MYOCD: variants seen among roughly 807,000 people sequenced by gnomAD.
MYOCD encodes the protein myocardin.
MYOCD carries 32 observed loss-of-function variants against 96.1 expected under a neutral mutation model. That is an observed-to-expected ratio of 0.33 (90% CI 0.25 to 0.45). The LOEUF is 0.45. Ranked by LOEUF, MYOCD falls within the 20% of genes least tolerant of loss-of-function variation. The pLI, the probability that MYOCD is intolerant of heterozygous loss-of-function variation, is 1.00. For synonymous variants in MYOCD, 469 were observed against 469.0 expected, an observed-to-expected ratio of 1.00 and a Z score of 0.00; for missense variants, 1,133 against 1,200.6, an observed-to-expected ratio of 0.94 and a Z score of 0.83.
intron 1 of MYOCD, among the ~76,000 whole-genome samples, chr17:12,699,500 C>T (rs922767243): frequency 3.9e-5 from 6 of 152,136 alleles, no homozygotes; most frequent in African/African-American, 7.2e-5. Flanking sequence ...AGATGATGCC[C>T]GAAATCAGTG....
At chr17:12,671,107 T>C (rs1163129648) in intron 1 of MYOCD, among the ~76,000 whole-genome samples, 1 of 152,246 alleles carries the variant, frequency 6.6e-6, no homozygotes, top group Non-Finnish European at 1.5e-5. Flanking sequence ...TATTTGTCCA[T>C]AACGGCAGAA....
intron 1 of MYOCD, among the ~76,000 whole-genome samples, chr17:12,695,766 C>T (rs1051919042): frequency 2.0e-5 from 3 of 152,104 alleles, no homozygotes; most frequent in Admixed American, 6.6e-5. Flanking sequence ...AGTGGCATTA[C>T]GTACACTCAC....
intron 2 of MYOCD, among the ~76,000 whole-genome samples, chr17:12,713,640 T>G (rs980741410): frequency 6.6e-6 from 1 of 152,198 alleles, no homozygotes; most frequent in East Asian, 1.9e-4. Flanking sequence ...TGATACAGAT[T>G]GTGTAGATCC....
rs2033377747 is a variant in MYOCD, at chr17:12,767,682, T to G, written c.*4038T>G. On this transcript the variant is annotated 3_prime_UTR_variant, in exon 14 of 14. Transcript: ENST00000425538. ...GATCACTTTTTAGCTAAAAGCTATC[T>G]CTCACTTCAAAATTCTTGTCTTTTT... is the stretch of plus-strand genomic sequence containing the variant. 6.6e-6 allele frequency: 1 copy of G among 152,208 alleles called. No homozygotes were observed. Among genetic ancestry groups the G allele is most frequent in the African/African-American group, 2.4e-5 (1 of 41,460 alleles). The allele number at this position is 152,208 out of a possible 1,614,324, so 9.4% of individuals were successfully genotyped here.
Position 12,765,043 on chromosome 17 carries a change from A to G in MYOCD, c.*1399A>G, listed in dbSNP as rs2074522415. 6.6e-6 allele frequency: 1 copy of G among 152,242 alleles called. No individual in the cohort carries two copies. The highest frequency in any genetic ancestry group is 1.9e-4 in the East Asian group (1 of 5,192). The allele number at this position is 152,242 out of a possible 1,614,324, so 9.4% of individuals were successfully genotyped here. On this transcript the variant is annotated 3_prime_UTR_variant, in exon 14 of 14. Coordinates refer to ENST00000425538, the MANE Select transcript of MYOCD (RefSeq NM_001146312.3). ...AAAGACAAATATGGATGATATTTAC[A>G]AGAGAGAATTTCAGATCTGGGTTTT...
In MYOCD at chr17:12,697,359, ATTTTTTT is replaced by A. The variant is rs71144918; in HGVS notation, c.56-7754_56-7748del. Among the ~76,000 whole-genome samples, 14 of 75,712 alleles carry A rather than the reference ATTTTTTT, an allele frequency of 1.8e-4. No homozygotes were observed. The Admixed American group carries it at 2.1e-3, about 11-fold the overall frequency. 49.7% of individuals were successfully genotyped at this position (75,712 alleles called of 152,430 possible). A position where few individuals can be genotyped will look rare whatever the true frequency, so the allele number is the denominator to read the frequency against. On this transcript the variant is annotated intron_variant, in intron 1 of 13. Coordinates refer to ENST00000425538, the MANE Select transcript of MYOCD (RefSeq NM_001146312.3). ...AGTATATATATATATATATATATAT[ATTTTTTT>A]TTTTTTTTTTTTTTGAGACGGGGTC...
Position 12,763,388 on chromosome 17 carries a change from A to G in MYOCD, c.2705A>G (p.His902Arg), listed in dbSNP as rs749821182. ...GCTGCAGAAGACCTCTTCAATGCAC[A>G]TGAGATCTTGCCAGGCCCCCTCTCT... Reference protein sequence around the residue: ...GKAAEDLFNAHEILPGPLSPM... With the variant: ...GKAAEDLFNAREILPGPLSPM... Residue 902 changes from histidine (H) to arginine (R), a missense_variant, in exon 14 of 14, where the codon CAT (histidine) becomes CGT (arginine). Coordinates refer to ENST00000425538, the MANE Select transcript of MYOCD (RefSeq NM_001146312.3). 9.4e-6 allele frequency: 15 copies of G among 1,603,060 alleles called. No individual in the cohort carries two copies. Among genetic ancestry groups the G allele is most frequent in the South Asian group, 2.2e-5 (2 of 89,262 alleles).
At chr17:12,694,627 G>A (rs2030646931) in intron 1 of MYOCD, among the ~76,000 whole-genome samples, 1 of 152,030 alleles carries the variant, frequency 6.6e-6, no homozygotes, top group Non-Finnish European at 1.5e-5. Flanking sequence ...AAGAGAAATG[G>A]GCAACCTGGT....
chr17:12,712,613 C>T (rs1315027471), intron 2 of MYOCD, among the ~76,000 whole-genome samples: 3 of 152,142 alleles, frequency 2.0e-5, no homozygotes, highest in Non-Finnish European at 2.9e-5. Context: ...TTTATATGCT[C>T]GGCTGACCCA....
rs1262191868 is a variant in MYOCD, at chr17:12,767,985, G to T, written c.*4341G>T. 6.6e-6 allele frequency: 1 copy of T among 152,186 alleles called. No individual in the cohort carries two copies. 9.4% of individuals were successfully genotyped at this position (152,186 alleles called of 1,614,324 possible). A position where few individuals can be genotyped will look rare whatever the true frequency, so the allele number is the denominator to read the frequency against. The stretch of plus-strand genomic sequence containing the variant: ...TGATTTCCCCCCACAGCCCTCAGCT[G>T]CCTTCCTCACAGAAGGAAGTTCCCA... On this transcript the variant is annotated 3_prime_UTR_variant, in exon 14 of 14. Coordinates refer to ENST00000425538, the MANE Select transcript of MYOCD (RefSeq NM_001146312.3).
intron 1 of MYOCD, among the ~76,000 whole-genome samples, chr17:12,703,135 G>T (rs1310510832): frequency 6.6e-6 from 1 of 151,806 alleles, no homozygotes; most frequent in African/African-American, 2.4e-5. Context: ...TTGGTAGATT[G>T]GGGGGCGGGG....
intron 1 of MYOCD, among the ~76,000 whole-genome samples, chr17:12,683,748 G>A (rs1022523778): frequency 5.3e-5 from 8 of 152,082 alleles, no homozygotes; most frequent in African/African-American, 1.9e-4. Context: ...TCCCCAAATT[G>A]TAATTATTTG....
Position 12,736,110 on chromosome 17 carries a change from C to T in MYOCD, c.416-51C>T, listed in dbSNP as rs112710430. 7.7e-5 allele frequency: 116 copies of T among 1,505,570 alleles called. 1 individual carries two copies. In the Middle Eastern group the frequency reaches 1.8e-3, roughly 23 times the overall value. The allele number at this position is 1,505,570 out of a possible 1,614,324, so 93.3% of individuals were successfully genotyped here. A position where few individuals can be genotyped will look rare whatever the true frequency, so the allele number is the denominator to read the frequency against. ...CACATCGAAGCATTTCCAAAAATGCCCTTTGATGCTCCTAAGCCACTGACC... is the reference window on the plus strand; with the variant it reads ...CACATCGAAGCATTTCCAAAAATGCTCTTTGATGCTCCTAAGCCACTGACC... On this transcript the variant is annotated intron_variant, in intron 5 of 13. Transcript: ENST00000425538.
intron 2 of MYOCD, among the ~76,000 whole-genome samples, chr17:12,707,698 A>T (rs1009822238): frequency 2.0e-5 from 3 of 152,220 alleles, no homozygotes; most frequent in African/African-American, 4.8e-5. Context: ...TGGGCAACAG[A>T]GCGAGACTCC....
chr17:12,716,049 A>C (rs1174837214), intron 3 of MYOCD, among the ~76,000 whole-genome samples: 1 of 152,154 alleles, frequency 6.6e-6, no homozygotes, highest in South Asian at 2.1e-4. Context: ...GTAACATTTG[A>C]GGGTGAGATT....
chr17:12,683,829 C>G (rs1254045158), intron 1 of MYOCD, among the ~76,000 whole-genome samples: 1 of 152,154 alleles, frequency 6.6e-6, no homozygotes, highest in Non-Finnish European at 1.5e-5. Flanking sequence ...TTATTCACAG[C>G]TGGATCCCTC....
intron 1 of MYOCD, among the ~76,000 whole-genome samples, chr17:12,700,195 C>T (rs1384073545): frequency 6.6e-6 from 1 of 151,936 alleles, no homozygotes; most frequent in Admixed American, 6.6e-5. Context: ...AGGCGTGAGC[C>T]ACCACAACCA....
chr17:12,710,970 G>A (rs1194797971), intron 2 of MYOCD, among the ~76,000 whole-genome samples: 1 of 152,082 alleles, frequency 6.6e-6, no homozygotes, highest in African/African-American at 2.4e-5. Flanking sequence ...CTCCTTCTGA[G>A]AAATTCCAAA....
chr17:12,737,720 C>A (rs2032387481), intron 6 of MYOCD, among the ~76,000 whole-genome samples: 1 of 152,050 alleles, frequency 6.6e-6, no homozygotes, highest in South Asian at 2.1e-4. Context: ...TTATTTTTTC[C>A]CACTGAAAAG....
Sources: gnomAD v4.1 joint callset for allele counts (sites outside exome capture counted in the v4.1 genomes callset) on GRCh38, gnomAD v4.1.1 for gene constraint, MANE v1.5 for transcripts, NCBI Gene and HGNC (gene_info 2026-07-23, HGNC 2026-07-21) for gene names.